CPLANE1: variants seen among roughly 807,000 people sequenced by gnomAD.
CPLANE1 encodes ciliogenesis and planar polarity effector 1.
A neutral mutation model predicts 362.5 loss-of-function variants in CPLANE1; 263 were observed. The ratio of observed to expected loss-of-function variants is 0.73; its 90% CI spans 0.66 to 0.80. The LOEUF (loss-of-function observed/expected upper bound fraction) is 0.80. Among genes scored for constraint, CPLANE1 ranks in the 30% least tolerant of loss-of-function variants. The pLI is 0.00. For synonymous variants in CPLANE1, 1,212 were observed against 1,302.6 expected, an observed-to-expected ratio of 0.93 and a Z score of 1.50; for missense variants, 3,461 against 3,793.4, an observed-to-expected ratio of 0.91 and a Z score of 2.30.
At chr5:37,193,728 G>GT (rs1360628566) in intron 21 of CPLANE1, among the ~76,000 whole-genome samples, 2 of 151,958 alleles carry the variant, frequency 1.3e-5, no homozygotes, top group African/African-American at 2.4e-5. Context: ...AAGGAACCTT[G>GT]TTTTTTTGTT....
At chr5:37,238,141 T>C (rs1314341985) in intron 8 of CPLANE1, among the ~76,000 whole-genome samples, 1 of 152,142 alleles carries the variant, frequency 6.6e-6, no homozygotes, top group Non-Finnish European at 1.5e-5. Context: ...ATCACACCAC[T>C]ACACTCCAGC....
At chr5:37,195,822 T>C (rs776794848) in intron 21 of CPLANE1, 36 bp downstream of exon 21, 2 of 1,589,942 alleles carry the variant, frequency 1.3e-6, no homozygotes, top group Non-Finnish European at 1.7e-6. Flanking sequence ...TATACCATCA[T>C]TCATACTCTA....
the CPLANE1 span, among the ~76,000 whole-genome samples, chr5:37,077,602 GTGTCT>G: frequency 7.2e-6 from 1 of 138,116 alleles, no homozygotes; most frequent in African/African-American, 2.7e-5. Flanking sequence ...GTGTGTGTGT[GTGTCT>G]TTTTTTTTTT....
chr5:37,097,190 T>A, the CPLANE1 span, among the ~76,000 whole-genome samples: 2 of 151,914 alleles, frequency 1.3e-5, no homozygotes, highest in Non-Finnish European at 2.9e-5. Context: ...CTCGTTTTTT[T>A]AAAAATTAAA....
chr5:37,210,912 C>T, intron 16 of CPLANE1: 1 of 777,520 alleles, frequency 1.3e-6, no homozygotes, highest in Non-Finnish European at 2.4e-6. Context: ...TGAAATTGAG[C>T]ATACTACACA....
rs1293975447 is a variant in CPLANE1 at position 37,247,691 on chromosome 5, A to C, written c.8T>G (p.Ile3Arg). ME[I>R]RLEILTSTGI... ...TGTTGATGTCAAGATTTCTAATCTT[A>C]TCTCCATGTTTGTTAAGCTATCAAT... The change falls in exon 2 of 53, where the codon ATA becomes AGA. Residue 3 changes from isoleucine (I) to arginine (R), a missense_variant. By Grantham distance (97) the Ile-to-Arg change is moderately conservative (BLOSUM62 -3). Coordinates refer to ENST00000651892, the MANE Select transcript of CPLANE1 (RefSeq NM_001384732.1). 5 of 1,547,894 alleles carry C rather than the reference A, an allele frequency of 3.2e-6. No individual in the cohort carries two copies. The highest frequency in any genetic ancestry group is 1.4e-5 in the African/African-American group (1 of 72,952).
Position 37,180,992 on chromosome 5 carries a change from C to A in CPLANE1, c.5435G>T (p.Arg1812Leu), listed in dbSNP as rs545562838. 6.2e-7 allele frequency: 1 copy of A among 1,613,592 alleles called. No individual in the cohort carries two copies. Among genetic ancestry groups the A allele is most frequent in the Non-Finnish European group, 8.5e-7 (1 of 1,179,762 alleles). Residue 1812 changes from arginine (R) to leucine (L), a missense_variant, in exon 27 of 53, where the codon CGT (arginine) becomes CTT (leucine). Arg to Leu is a moderately radical substitution (Grantham distance 102). Around this residue, in one of 2 missense-constraint regions of CPLANE1, gnomAD observed 3,380 missense variants for 3,666.1 expected, o/e 0.92. Transcript: ENST00000651892. ...KNAIIKMVEN[R>L]DTGCQIGPNI... ...GGGTCCAATCTGACACCCAGTGTCA[C>A]GATTCTCTACCATCTAAAGCAAACC...
rs779940245 is a variant in CPLANE1, at chr5:37,198,683, G to A, written c.3672+19C>T. On this transcript the variant is annotated intron_variant, in intron 20 of 52. Transcript: ENST00000651892. ...ATTTCAGTTAACACAGCATGTAAAT[G>A]ACTAAGATATTTCCATACCTTCTGC... The A allele has an allele frequency of 6.2e-7, 1 of 1,603,208 alleles. No homozygotes were observed. Among genetic ancestry groups the A allele is most frequent in the Non-Finnish European group, 8.5e-7 (1 of 1,172,962 alleles).
At position 37,169,131 on chromosome 5, in the gene CPLANE1, A is replaced by T; in HGVS notation, c.6893T>A (p.Val2298Asp). Residue 2298 changes from valine to aspartate, a missense_variant, in exon 34 of 53, where the codon GTT becomes GAT. Physicochemically the swap from Val to Asp is radical, Grantham distance 152. Transcript: ENST00000651892. ...AGTTTCTGCCCACGTCTTCTGCTCA[A>T]CTTCTTTTTTTCTGGCTTCAGTGTT... ...QYNTEARKKE[V>D]EQKTWAETVI... 6.2e-7 allele frequency: 1 copy of T among 1,614,066 alleles called. No individual in the cohort carries two copies. The highest frequency in any genetic ancestry group is 8.5e-7 in the Non-Finnish European group (1 of 1,179,998).
chr5:37,084,163 T>C, the CPLANE1 span, among the ~76,000 whole-genome samples: 9 of 152,348 alleles, frequency 5.9e-5, 1 homozygote, highest in South Asian at 1.4e-3. Flanking sequence ...CCAAGAATTC[T>C]GTATTCAGTG....
At chr5:37,199,284 G>C (rs544428884) in intron 19 of CPLANE1, among the ~76,000 whole-genome samples, 1 of 152,144 alleles carries the variant, frequency 6.6e-6, no homozygotes, top group East Asian at 1.9e-4. Flanking sequence ...CTTGTTCCCA[G>C]TCTTACGCTA....
chr5:37,138,456 A>C lies in CPLANE1; in HGVS notation c.8792+264T>G, dbSNP rs576572605. The C allele has an allele frequency of 3.4e-5, 19 of 563,130 alleles. No homozygotes were observed. The Admixed American group carries it at 4.2e-4, about 13-fold the overall frequency. 34.9% of individuals were successfully genotyped at this position (563,130 alleles called of 1,614,324 possible). ...TTGGGTAAAGTGCTATGAGCTAATC[A>C]TTAATTACTTCTAGTAAGAGACAGG... On this transcript the variant is annotated intron_variant, in intron 46 of 52. Coordinates refer to ENST00000651892, the MANE Select transcript of CPLANE1 (RefSeq NM_001384732.1).
intron 8 of CPLANE1, among the ~76,000 whole-genome samples, chr5:37,234,490 TCAGA>T (rs1363398994): frequency 7.2e-6 from 1 of 139,682 alleles, no homozygotes; most frequent in African/African-American, 2.7e-5. Flanking sequence ...AGAATCTCAG[TCAGA>T]CAAAAATAAG....
chr5:37,201,013 A>G (rs887822981), intron 19 of CPLANE1, among the ~76,000 whole-genome samples: 12 of 152,106 alleles, frequency 7.9e-5, no homozygotes, highest in African/African-American at 1.9e-4. Flanking sequence ...TTATAGAGAC[A>G]GGGTTTCGCC....
In CPLANE1 at chr5:37,165,529, T is replaced by G; in HGVS notation, c.7533+10A>C. ...AAACCAGGGAAGAATCTATAGCAGT[T>G]TTTCTATACCTTGGGTTTCTTAATG... On this transcript the variant is annotated intron_variant, in intron 36 of 52. Transcript: ENST00000651892. 1 of 1,607,954 alleles carries G rather than the reference T, an allele frequency of 6.2e-7. No homozygotes were observed. Among genetic ancestry groups the G allele is most frequent in the Non-Finnish European group, 8.5e-7 (1 of 1,178,178 alleles).
intron 31 of CPLANE1, among the ~76,000 whole-genome samples, chr5:37,174,948 CT>C (rs1266329337): frequency 2.0e-5 from 3 of 152,228 alleles, no homozygotes; most frequent in Non-Finnish European, 2.9e-5. Flanking sequence ...CTGTCCCCAG[CT>C]TTCTTAGCTG....
chr5:37,210,482 G>T, intron 16 of CPLANE1: 1 of 1,191,016 alleles, frequency 8.4e-7, no homozygotes, highest in Non-Finnish European at 1.2e-6. Context: ...AAGATGAAAG[G>T]AAGAATAAAG....
intron 14 of CPLANE1, 90 bp from the exon 15 acceptor site, chr5:37,221,578 G>A: frequency 1.2e-6 from 1 of 839,434 alleles, no homozygotes; most frequent in Non-Finnish European, 1.7e-6. Context: ...TGTAGTTTGT[G>A]AAAATTCATC....
intron 43 of CPLANE1, among the ~76,000 whole-genome samples, chr5:37,143,387 A>G (rs1304606747): frequency 1.3e-5 from 2 of 152,242 alleles, no homozygotes; most frequent in Admixed American, 6.5e-5. Flanking sequence ...CATGACTGAA[A>G]TTATGAAACA....
Sources: allele counts gnomAD v4.1 joint callset (sites outside exome capture counted in the v4.1 genomes callset), GRCh38; gene constraint gnomAD v4.1.1; regional missense constraint gnomAD v4.1.1; transcripts MANE v1.5; gene names NCBI Gene and HGNC (gene_info 2026-07-23, HGNC 2026-07-21).